The following RALYL variants were observed in gnomAD, a reference collection of about 807,000 sequenced individuals.
RALYL encodes RALY RNA binding protein like.
A neutral mutation model predicts 35.1 loss-of-function variants in RALYL; 29 were observed. The observed-to-expected ratio is 0.83, with a 90% CI of 0.61 to 1.13. RALYL has a LOEUF of 1.13. RALYL is among the 50% of genes most tolerant of loss of function. The pLI is 0.00. For missense variants in RALYL, 359 were observed against 360.4 expected (o/e 1.00, Z 0.03); for synonymous variants, 120 against 127.6 (o/e 0.94, Z 0.40).
intron 1 of RALYL, among the ~76,000 whole-genome samples, chr8:84,516,819 T>C (rs2058102094): frequency 6.6e-6 from 1 of 152,218 alleles, no homozygotes; most frequent in Non-Finnish European, 1.5e-5. Flanking sequence ...ATGGGTATTC[T>C]ATCTTCTTAT....
intron 1 of RALYL, among the ~76,000 whole-genome samples, chr8:84,260,223 C>T (rs1005782380): frequency 3.3e-5 from 5 of 152,240 alleles, no homozygotes; most frequent in Admixed American, 1.3e-4. Flanking sequence ...GCACATGTGC[C>T]TCCAGAACCT....
chr8:84,205,376 C>T (rs1026070984), intron 1 of RALYL, among the ~76,000 whole-genome samples: 16 of 152,092 alleles, frequency 1.1e-4, no homozygotes, highest in Non-Finnish European at 2.9e-5. Context: ...GTCTAGAAAC[C>T]AACTGCATGA....
chr8:84,197,655 G>A (rs973999264), intron 1 of RALYL, among the ~76,000 whole-genome samples: 1 of 151,816 alleles, frequency 6.6e-6, no homozygotes, highest in Admixed American at 6.6e-5. Flanking sequence ...GGGGCCGGGC[G>A]CGGTGGCTCA....
intron 2 of RALYL, among the ~76,000 whole-genome samples, chr8:84,661,102 G>A (rs1007477610): frequency 2.0e-5 from 3 of 151,856 alleles, no homozygotes; most frequent in Non-Finnish European, 2.9e-5. Context: ...CTAATTTTTT[G>A]TATTTTTAGT....
intron 3 of RALYL, among the ~76,000 whole-genome samples, chr8:84,797,503 C>G (rs930130119): frequency 6.6e-6 from 1 of 152,144 alleles, no homozygotes; most frequent in Admixed American, 6.5e-5. Flanking sequence ...TAGACTCCCT[C>G]GTTGTTTGCG....
At chr8:84,267,371 A>T (rs552471974) in intron 1 of RALYL, among the ~76,000 whole-genome samples, 1 of 152,288 alleles carries the variant, frequency 6.6e-6, no homozygotes, top group African/African-American at 2.4e-5. Flanking sequence ...GAATTGGCTG[A>T]TGAGACTCAT....
chr8:84,608,996 A>G (rs961840119), intron 2 of RALYL, among the ~76,000 whole-genome samples: 7 of 152,086 alleles, frequency 4.6e-5, no homozygotes, highest in East Asian at 1.9e-4. Flanking sequence ...TTTGCCCCCA[A>G]TCCCACAGCT....
chr8:84,619,053 A>T (rs1359824436), intron 2 of RALYL, among the ~76,000 whole-genome samples: 2 of 150,048 alleles, frequency 1.3e-5, no homozygotes, highest in African/African-American at 5.0e-5. Context: ...TGTGGTGCTG[A>T]AAAAAATGTA....
chr8:84,653,649 A>T (rs1381855053), intron 2 of RALYL, among the ~76,000 whole-genome samples: 1 of 151,836 alleles, frequency 6.6e-6, no homozygotes, highest in Non-Finnish European at 1.5e-5. Context: ...CCCCATTACC[A>T]CACATCTTAC....
intron 1 of RALYL, among the ~76,000 whole-genome samples, chr8:84,395,351 CAT>C (rs1239854897): frequency 6.6e-6 from 1 of 151,736 alleles, no homozygotes; most frequent in Non-Finnish European, 1.5e-5. Context: ...AATATTAAAA[CAT>C]AAATTTTTCC....
intron 8 of RALYL, among the ~76,000 whole-genome samples, chr8:84,900,070 A>C (rs940310933): frequency 6.6e-5 from 10 of 152,294 alleles, no homozygotes; most frequent in African/African-American, 2.2e-4. Flanking sequence ...TAGATACACA[A>C]TTTTCAAACA....
At chr8:84,534,660 G>A (rs972753898) in intron 2 of RALYL, among the ~76,000 whole-genome samples, 2 of 152,096 alleles carry the variant, frequency 1.3e-5, no homozygotes, top group African/African-American at 4.8e-5. Flanking sequence ...ATGGAAAAGA[G>A]CACCACAGGA....
chr8:84,751,217 CT>C (rs998437890), intron 2 of RALYL, among the ~76,000 whole-genome samples: 2 of 150,664 alleles, frequency 1.3e-5, no homozygotes, highest in African/African-American at 4.9e-5. Context: ...CTGGTTTATG[CT>C]TTTTTTTTAG....
intron 1 of RALYL, among the ~76,000 whole-genome samples, chr8:84,249,353 A>G (rs1032676037): frequency 3.3e-5 from 5 of 152,112 alleles, no homozygotes; most frequent in Non-Finnish European, 7.4e-5. Context: ...CTTGTACAAG[A>G]GTTTAGATAA....
intron 1 of RALYL, among the ~76,000 whole-genome samples, chr8:84,245,065 G>C (rs1828788865): frequency 6.6e-6 from 1 of 152,160 alleles, no homozygotes; most frequent in Non-Finnish European, 1.5e-5. Flanking sequence ...ATGCTTCATA[G>C]ATGAGCAACC....
intron 1 of RALYL, among the ~76,000 whole-genome samples, chr8:84,524,432 A>G (rs1358964685): frequency 6.6e-6 from 1 of 152,236 alleles, no homozygotes; most frequent in Non-Finnish European, 1.5e-5. Flanking sequence ...AATGGCAATC[A>G]TTAAAAAGTC....
At chr8:84,554,100 A>G (rs2060934687) in intron 2 of RALYL, among the ~76,000 whole-genome samples, 1 of 152,202 alleles carries the variant, frequency 6.6e-6, no homozygotes, top group East Asian at 1.9e-4. Context: ...TTTCTTTTAG[A>G]AACTTGATTG....
At chr8:84,853,866 G>A (rs1422450008) in intron 5 of RALYL, among the ~76,000 whole-genome samples, 1 of 152,052 alleles carries the variant, frequency 6.6e-6, no homozygotes, top group Non-Finnish European at 1.5e-5. Flanking sequence ...TAGCAGAGGT[G>A]CAAACTTGGG....
chr8:84,308,433 A>C (rs6473544), intron 1 of RALYL, among the ~76,000 whole-genome samples: 3,081 of 152,240 alleles, frequency 0.02, 113 homozygotes, highest in African/African-American at 0.07. Context: ...GGATGCTGGC[A>C]CTTTCTAGGT....
Sources: gnomAD v4.1 joint callset for allele counts (sites outside exome capture counted in the v4.1 genomes callset) on GRCh38, gnomAD v4.1.1 for gene constraint, MANE v1.5 for transcripts, NCBI Gene and HGNC (gene_info 2026-07-23, HGNC 2026-07-21) for gene names.